XYLT1: variants seen among roughly 807,000 people sequenced by gnomAD.
The protein encoded by XYLT1 is xylosyltransferase 1.
XYLT1 carries 36 observed loss-of-function variants against 91.3 expected under a neutral mutation model. The ratio of observed to expected loss-of-function variants is 0.39; its 90% CI spans 0.30 to 0.52. The LOEUF is 0.52. XYLT1 is among the 20% of genes least tolerant of loss of function. The probability of loss-of-function intolerance (pLI) is 0.68; values close to 1 mark genes in which losing one functional copy is unlikely to be tolerated. For synonymous variants in XYLT1, 588 were observed against 532.0 expected, an observed-to-expected ratio of 1.11 and a Z score of -1.45; for missense variants, 1,242 against 1,284.5, an observed-to-expected ratio of 0.97 and a Z score of 0.51.
intron 1 of XYLT1, among the ~76,000 whole-genome samples, chr16:17,387,844 TCTC>T (rs1348915706): frequency 6.6e-6 from 1 of 152,106 alleles, no homozygotes; most frequent in Non-Finnish European, 1.5e-5. Context: ...CCAAGATTTT[TCTC>T]CTCGTGAAGA....
intron 1 of XYLT1, chr16:17,445,978 C>A (rs974031839): frequency 6.6e-6 from 1 of 152,222 alleles, no homozygotes; most frequent in Non-Finnish European, 1.5e-5. Context: ...AGAGTCTATT[C>A]CAACTCCCAG....
intron 6 of XYLT1, among the ~76,000 whole-genome samples, chr16:17,155,778 T>C (rs548349490): frequency 4.6e-5 from 7 of 152,328 alleles, no homozygotes; most frequent in Non-Finnish European, 1.0e-4. Context: ...CTTTGGGTTT[T>C]AGGGTCTTGG....
At chr16:17,340,792 T>C (rs551411292) in intron 2 of XYLT1, among the ~76,000 whole-genome samples, 1 of 152,310 alleles carries the variant, frequency 6.6e-6, no homozygotes, top group East Asian at 1.9e-4. Flanking sequence ...ACATAGTAAA[T>C]GCTCAACAAT....
At chr16:17,412,839 T>A (rs1053149160) in intron 1 of XYLT1, among the ~76,000 whole-genome samples, 1 of 151,996 alleles carries the variant, frequency 6.6e-6, no homozygotes, top group Non-Finnish European at 1.5e-5. Context: ...TCCGAGATGT[T>A]TTCCTAATGG....
chr16:17,122,674 A>ACACTGGCTT (rs2030112984), intron 10 of XYLT1, among the ~76,000 whole-genome samples: 3 of 152,154 alleles, frequency 2.0e-5, no homozygotes, highest in Non-Finnish European at 4.4e-5. Context: ...CAGTGTCTAG[A>ACACTGGCTT]AGGGTTTTTC....
chr16:17,223,455 G>A (rs1353766924), intron 3 of XYLT1, among the ~76,000 whole-genome samples: 1 of 152,236 alleles, frequency 6.6e-6, no homozygotes, highest in Non-Finnish European at 1.5e-5. Flanking sequence ...TTGCAGTCAG[G>A]TCTTGCCAAG....
Position 17,138,486 on chromosome 16 carries a change from T to C in XYLT1, c.1633A>G (p.Met545Val), listed in dbSNP as rs747718750. 5.5e-5 allele frequency: 89 copies of C among 1,613,970 alleles called. 1 individual carries two copies. Among genetic ancestry groups the C allele is most frequent in the Admixed American group, 4.2e-4 (25 of 59,998 alleles). The change falls in exon 8 of 12, where the codon ATG (methionine) becomes GTG (valine). Residue 545 changes from methionine (M) to valine (V), a missense_variant. Physicochemically the swap from Met to Val is conservative, Grantham distance 21. Coordinates refer to ENST00000261381, the MANE Select transcript of XYLT1 (RefSeq NM_022166.4). ...GTGATGCGCAGGTTGTTGTCCACCA[T>C]GGTGTCGCAGTGGGGGCTGTTCTCC... is the stretch of plus-strand genomic sequence containing the variant. The part of the protein sequence containing the change: ...VLENSPHCDT[M>V]VDNNLRITNW...
intron 1 of XYLT1, among the ~76,000 whole-genome samples, chr16:17,413,906 C>G (rs2036145595): frequency 6.6e-6 from 1 of 152,142 alleles, no homozygotes; most frequent in Non-Finnish European, 1.5e-5. Context: ...ACACACCAAG[C>G]CAATTTTCCC....
intron 1 of XYLT1, among the ~76,000 whole-genome samples, chr16:17,384,929 A>G (rs1364465288): frequency 6.8e-6 from 1 of 146,496 alleles, no homozygotes; most frequent in Admixed American, 6.8e-5. Flanking sequence ...CAAAAAATCA[A>G]TCGCTGGTGG....
Position 17,470,628 on chromosome 16 carries a change from G to A in XYLT1, c.169C>T (p.Pro57Ser). The A allele has an allele frequency of 9.1e-7, 1 of 1,101,642 alleles. No individual in the cohort carries two copies. Among genetic ancestry groups the A allele is most frequent in the Non-Finnish European group, 1.1e-6 (1 of 907,720 alleles). The allele number at this position is 1,101,642 out of a possible 1,614,324, so 68.2% of individuals were successfully genotyped here. Reference sequence around the variant, plus strand: ...CGGCGCGGGGCCGGGGCCGGGGGCGGCTGCTCCCCGCCGCCGACCGCTGCG... The same window carrying A: ...CGGCGCGGGGCCGGGGCCGGGGGCGACTGCTCCCCGCCGCCGACCGCTGCG... ...GGAAVGGGEQ[P>S]PPAPAPRRER... The change falls in exon 1 of 12, where the codon CCG becomes TCG. Residue 57 changes from proline (P) to serine (S), a missense_variant. Around this residue, in one of 3 missense-constraint regions of XYLT1, gnomAD observed 437 missense variants for 411.5 expected, o/e 1.06. Coordinates refer to ENST00000261381, the MANE Select transcript of XYLT1 (RefSeq NM_022166.4).
chr16:17,385,331 C>T (rs1477860821), intron 1 of XYLT1, among the ~76,000 whole-genome samples: 2 of 150,934 alleles, frequency 1.3e-5, no homozygotes, highest in Non-Finnish European at 2.9e-5. Flanking sequence ...CCACTGTTGG[C>T]CTCCCTGGAA....
At chr16:17,155,276 A>C (rs1241166511) in intron 6 of XYLT1, among the ~76,000 whole-genome samples, 1 of 152,190 alleles carries the variant, frequency 6.6e-6, no homozygotes, top group African/African-American at 2.4e-5. Context: ...AAAGGAGGCT[A>C]ATATATTGCC....
chr16:17,248,544 C>T (rs535293940), intron 3 of XYLT1, among the ~76,000 whole-genome samples: 12 of 152,206 alleles, frequency 7.9e-5, no homozygotes, highest in Admixed American at 7.8e-4. Context: ...ATAGGAAGAG[C>T]TCCCCTGTTG....
chr16:17,338,242 T>C (rs1289071667), intron 2 of XYLT1: 1 of 456,492 alleles, frequency 2.2e-6, no homozygotes, highest in East Asian at 7.0e-5. Flanking sequence ...AGAGTGATCA[T>C]CTCAAACTGA....
intron 1 of XYLT1, among the ~76,000 whole-genome samples, chr16:17,424,723 C>T (rs1460332569): frequency 6.6e-6 from 1 of 152,054 alleles, no homozygotes; most frequent in African/African-American, 2.4e-5. Context: ...CAAAAAGTAG[C>T]TGGCTGTAGT....
chr16:17,404,074 T>C (rs575348496), intron 1 of XYLT1, among the ~76,000 whole-genome samples: 3 of 148,342 alleles, frequency 2.0e-5, no homozygotes, highest in East Asian at 3.9e-4. Context: ...TGTGCATAAC[T>C]GTATGTGTGT....
intron 1 of XYLT1, among the ~76,000 whole-genome samples, chr16:17,409,610 C>T (rs992723419): frequency 2.1e-5 from 3 of 143,196 alleles, no homozygotes; most frequent in Admixed American, 7.5e-5. Flanking sequence ...AGTGCAGTGA[C>T]GTGATCTCGG....
At chr16:17,206,489 G>T (rs772949133) in intron 3 of XYLT1, among the ~76,000 whole-genome samples, 1 of 152,036 alleles carries the variant, frequency 6.6e-6, no homozygotes, top group Non-Finnish European at 1.5e-5. Context: ...ACCAGCCACG[G>T]GGGCCTGGGC....
At chr16:17,338,035 T>C in intron 2 of XYLT1, 1 of 369,478 alleles carries the variant, frequency 2.7e-6, no homozygotes, top group East Asian at 7.3e-5. Flanking sequence ...CCCAAAGTGC[T>C]GGGATTATAG....
Sources: gnomAD v4.1 joint callset for allele counts (sites outside exome capture counted in the v4.1 genomes callset) on GRCh38, gnomAD v4.1.1 for gene constraint, gnomAD v4.1.1 regional missense constraint, MANE v1.5 for transcripts, NCBI Gene and HGNC (gene_info 2026-07-23, HGNC 2026-07-21) for gene names.